The following NTM variants were observed in gnomAD, a reference collection of about 807,000 sequenced individuals.
NTM encodes neurotrimin.
In NTM, 13 loss-of-function variants were observed where a neutral mutation model predicts 42.1. The ratio of observed to expected loss-of-function variants is 0.31; its 90% CI spans 0.20 to 0.49. The LOEUF is 0.49. Ranked by LOEUF, NTM falls within the 20% of genes least tolerant of loss-of-function variation. The probability of loss-of-function intolerance (pLI) is 0.99; values close to 1 mark genes in which losing one functional copy is unlikely to be tolerated. For synonymous variants in NTM, 187 were observed against 179.2 expected, an observed-to-expected ratio of 1.04 and a Z score of -0.35; for missense variants, 373 against 452.8, an observed-to-expected ratio of 0.82 and a Z score of 1.60.
chr11:131,702,854 A>C (rs2076213277), intron 1 of NTM, among the ~76,000 whole-genome samples: 1 of 152,242 alleles, frequency 6.6e-6, no homozygotes, highest in Admixed American at 6.5e-5. Flanking sequence ...AAGCTGCAAT[A>C]ATATAAACGG....
intron 1 of NTM, among the ~76,000 whole-genome samples, chr11:131,424,867 CTTTTTTTT>C (rs759720917): frequency 7.2e-6 from 1 of 138,534 alleles, no homozygotes; most frequent in Non-Finnish European, 1.6e-5. Flanking sequence ...CCACGCCCAG[CTTTTTTTT>C]TTTTTATTTT....
At chr11:132,246,956 AT>A (rs2091267413) in intron 4 of NTM, among the ~76,000 whole-genome samples, 1 of 152,164 alleles carries the variant, frequency 6.6e-6, no homozygotes, top group Non-Finnish European at 1.5e-5. Context: ...GACTCCAGAC[AT>A]TTAAGCTTTG....
chr11:132,331,941 A>G (rs956572008), intron 8 of NTM, among the ~76,000 whole-genome samples: 2 of 152,216 alleles, frequency 1.3e-5, no homozygotes, highest in Non-Finnish European at 2.9e-5. Flanking sequence ...TGTGGCAAGA[A>G]GAGACACCAA....
intron 4 of NTM, among the ~76,000 whole-genome samples, chr11:132,238,573 T>C (rs996083148): frequency 2.2e-4 from 33 of 152,268 alleles, no homozygotes; most frequent in African/African-American, 7.5e-4. Context: ...CATGAGGTTG[T>C]CTTTCGGTAT....
intron 8 of NTM, among the ~76,000 whole-genome samples, chr11:132,333,459 C>T (rs1348637797): frequency 6.6e-6 from 1 of 152,172 alleles, no homozygotes; most frequent in Non-Finnish European, 1.5e-5. Flanking sequence ...GTGATGGTTT[C>T]TGTGGACACA....
At chr11:131,454,973 C>G (rs1176323908) in intron 1 of NTM, among the ~76,000 whole-genome samples, 1 of 152,118 alleles carries the variant, frequency 6.6e-6, no homozygotes, top group Non-Finnish European at 1.5e-5. Flanking sequence ...GGGAAGACAT[C>G]ACAATCTTTA....
intron 2 of NTM, among the ~76,000 whole-genome samples, chr11:131,937,895 C>A (rs902542877): frequency 6.6e-6 from 1 of 152,118 alleles, no homozygotes; most frequent in African/African-American, 2.4e-5. Flanking sequence ...TTAGGTTGCA[C>A]GTAGCAAGTC....
chr11:131,665,806 C>G (rs1287585020), intron 1 of NTM, among the ~76,000 whole-genome samples: 1 of 152,216 alleles, frequency 6.6e-6, no homozygotes, highest in Admixed American at 6.5e-5. Flanking sequence ...GCTTGTGAGA[C>G]AAATTCCCAC....
chr11:131,853,210 A>G (rs78997055), intron 1 of NTM, among the ~76,000 whole-genome samples: 2,280 of 152,144 alleles, frequency 0.015, 64 homozygotes, highest in African/African-American at 0.052. Flanking sequence ...CAGTCTGAGC[A>G]CCATAAGCAG....
In NTM at chr11:131,957,425, T is replaced by C. The variant is rs577726478; in HGVS notation, c.167+45777T>C. Among the ~76,000 whole-genome samples, 4 of 152,204 alleles carry C rather than the reference T, an allele frequency of 2.6e-5. No individual in the cohort carries two copies. The East Asian group carries it at 7.8e-4, about 30-fold the overall frequency. On this transcript the variant is annotated intron_variant, in intron 2 of 8. Transcript: ENST00000683400. ...CTCCAACTCCCTCCTGCAGGTGCAG[T>C]TTTCAGCTGGGCCCTCAGACACAGT... is the stretch of plus-strand genomic sequence containing the variant.
At chr11:131,565,516 G>A (rs757683339) in intron 1 of NTM, among the ~76,000 whole-genome samples, 1 of 152,192 alleles carries the variant, frequency 6.6e-6, no homozygotes, top group African/African-American at 2.4e-5. Context: ...TCCATGCTGG[G>A]CTGAACATCT....
intron 2 of NTM, among the ~76,000 whole-genome samples, chr11:132,045,434 G>T (rs2077848990): frequency 6.6e-6 from 1 of 152,106 alleles, no homozygotes; most frequent in Non-Finnish European, 1.5e-5. Flanking sequence ...TTTTCCCATT[G>T]ATTATTCTAC....
chr11:131,678,911 T>C (rs563329940), intron 1 of NTM, among the ~76,000 whole-genome samples: 4 of 152,316 alleles, frequency 2.6e-5, no homozygotes, highest in African/African-American at 9.6e-5. Flanking sequence ...GCAGCTACCT[T>C]CGGCTAACAC....
intron 1 of NTM, among the ~76,000 whole-genome samples, chr11:131,603,411 G>A (rs1353605885): frequency 1.3e-5 from 2 of 152,034 alleles, no homozygotes; most frequent in Non-Finnish European, 2.9e-5. Context: ...AAGCTCTCAA[G>A]TGATGCTAAC....
chr11:131,956,071 G>A (rs545228278), intron 2 of NTM, among the ~76,000 whole-genome samples: 3 of 152,274 alleles, frequency 2.0e-5, no homozygotes, highest in South Asian at 2.1e-4. Context: ...TCTGCTACCC[G>A]GTGTCAGGGA....
intron 3 of NTM, among the ~76,000 whole-genome samples, chr11:132,194,265 T>G (rs2079801929): frequency 6.6e-6 from 1 of 152,110 alleles, no homozygotes; most frequent in Non-Finnish European, 1.5e-5. Flanking sequence ...AAAGTTAATT[T>G]ACCATGATGA....
At chr11:131,415,278 G>T (rs1369776149) in intron 1 of NTM, among the ~76,000 whole-genome samples, 1 of 151,894 alleles carries the variant, frequency 6.6e-6, no homozygotes, top group African/African-American at 2.4e-5. Flanking sequence ...AAGTGAGTTT[G>T]CTCTGGAAGA....
chr11:132,118,438 G>T (rs2064214195), intron 2 of NTM, among the ~76,000 whole-genome samples: 1 of 152,226 alleles, frequency 6.6e-6, no homozygotes, highest in African/African-American at 2.4e-5. Flanking sequence ...AGATGGCAGA[G>T]AATAAATCTT....
intron 1 of NTM, among the ~76,000 whole-genome samples, chr11:131,867,582 A>T (rs1187003759): frequency 6.6e-6 from 1 of 150,502 alleles, no homozygotes; most frequent in Non-Finnish European, 1.5e-5. Context: ...GCCTGTGTGT[A>T]TGTGTGTGTA....
Sources: allele counts gnomAD v4.1 joint callset (sites outside exome capture counted in the v4.1 genomes callset), GRCh38; gene constraint gnomAD v4.1.1; transcripts MANE v1.5; gene names NCBI Gene and HGNC (gene_info 2026-07-23, HGNC 2026-07-21).